Variants in EHMT1 observed in about 807,000 individuals in gnomAD.
EHMT1 encodes euchromatic histone lysine methyltransferase 1.
EHMT1 carries 15 observed loss-of-function variants against 147.2 expected under a neutral mutation model. The ratio of observed to expected loss-of-function variants is 0.10; its 90% CI spans 0.07 to 0.16. The LOEUF (loss-of-function observed/expected upper bound fraction) is 0.16, where lower values mean the gene tolerates loss of function less well. Among genes scored for constraint, EHMT1 ranks in the 10% least tolerant of loss-of-function variants. EHMT1 has a pLI of 1.00. For missense variants in EHMT1, 1,587 were observed against 1,772.4 expected (o/e 0.90, Z 1.88); for synonymous variants, 795 against 709.6 (o/e 1.12, Z -1.91).
At chr9:137,632,040 T>C (rs753825722) in intron 1 of EHMT1, among the ~76,000 whole-genome samples, 5 of 152,234 alleles carry the variant, frequency 3.3e-5, no homozygotes, top group East Asian at 3.8e-4. Context: ...TGCAGGTTTA[T>C]AGCCTGGAAG....
intron 1 of EHMT1, chr9:137,676,583 C>T (rs1941349241): frequency 6.6e-6 from 1 of 152,392 alleles, no homozygotes; most frequent in African/African-American, 2.4e-5. Flanking sequence ...AGCCAAATGC[C>T]TAGGCAGATA....
Position 137,681,863 on chromosome 9 carries a change from T to C in EHMT1, c.22-29104T>C, listed in dbSNP as rs1041601254. ...CATTCATTCCCTGGAAAGTTTGCAG[T>C]GTGTCTGGTACGTAAGCGTGAGGCG... On this transcript the variant is annotated intron_variant, in intron 1 of 26. Transcript: ENST00000460843. 2.0e-4 allele frequency among the ~76,000 whole-genome samples: 31 copies of C among 152,162 alleles called. 1 individual carries two copies. The highest frequency in any genetic ancestry group is 4.1e-4 in the Non-Finnish European group (28 of 68,022).
chr9:137,715,898 A>G lies in EHMT1; in HGVS notation c.86-728A>G, dbSNP rs1033412888. On this transcript the variant is annotated intron_variant, in intron 2 of 26. Transcript: ENST00000460843. ...CCCAAACTTAACCAACTAACGTTCA[A>G]CGTTAATGCTTAAGAAATGTTTATG... 8.6e-6 allele frequency: 8 copies of G among 925,196 alleles called. No homozygotes were observed. The Admixed American group carries it at 1.9e-4, about 21-fold the overall frequency. 57.3% of individuals were successfully genotyped at this position (925,196 alleles called of 1,614,324 possible).
At chr9:137,681,704 G>C (rs530414527) in intron 1 of EHMT1, among the ~76,000 whole-genome samples, 94 of 152,106 alleles carry the variant, frequency 6.2e-4, no homozygotes, top group African/African-American at 2.2e-3. Flanking sequence ...AGCTGGTGCC[G>C]AGGCATCCGA....
rs1392434292 is a variant in EHMT1, at chr9:137,678,767, ATCTG to A, written c.22-32196_22-32193del. ...CACTCTACTCAGTCGGCGTCTTGTG[ATCTG>A]TCTATCTGACGAGGGAGACGGCTGC... On this transcript the variant is annotated intron_variant, in intron 1 of 26. Coordinates refer to ENST00000460843, the MANE Select transcript of EHMT1 (RefSeq NM_024757.5). Among the ~76,000 whole-genome samples the A allele has an allele frequency of 2.6e-5, 3 of 117,162 alleles. 1 individual carries two copies. The highest frequency in any genetic ancestry group is 6.2e-4 in the South Asian group (2 of 3,202). 76.9% of individuals were successfully genotyped at this position (117,162 alleles called of 152,430 possible).
At chr9:137,679,603 T>G (rs1564577900) in intron 1 of EHMT1, among the ~76,000 whole-genome samples, 1 of 152,242 alleles carries the variant, frequency 6.6e-6, no homozygotes, top group Non-Finnish European at 1.5e-5. Flanking sequence ...CTGTTGGCCA[T>G]TTGGGAATGC....
intron 1 of EHMT1, among the ~76,000 whole-genome samples, chr9:137,701,079 A>G (rs888158903): frequency 6.6e-6 from 1 of 152,132 alleles, no homozygotes; most frequent in Non-Finnish European, 1.5e-5. Flanking sequence ...TCCAACAACC[A>G]GGTCTCATGA....
intron 1 of EHMT1, among the ~76,000 whole-genome samples, chr9:137,654,106 G>T (rs753539205): frequency 1.3e-4 from 20 of 152,142 alleles, no homozygotes; most frequent in Non-Finnish European, 2.5e-4. Flanking sequence ...CATAGGCTGG[G>T]CGCGGTGGCT....
chr9:137,773,115 A>G (rs1472297320), intron 10 of EHMT1, among the ~76,000 whole-genome samples: 1 of 152,214 alleles, frequency 6.6e-6, no homozygotes, highest in African/African-American at 2.4e-5. Context: ...AGAAAGTAAA[A>G]TCACTTCTTA....
chr9:137,689,517 A>G (rs10746564), intron 1 of EHMT1, among the ~76,000 whole-genome samples: 2 of 151,946 alleles, frequency 1.3e-5, no homozygotes, highest in Non-Finnish European at 2.9e-5. Context: ...AGCCTGGCCA[A>G]CATGGTGAAA....
chr9:137,816,568 G>A (rs961739982), intron 23 of EHMT1: 1 of 180,966 alleles, frequency 5.5e-6, no homozygotes, highest in African/African-American at 2.4e-5. Context: ...AGCTGGGCTT[G>A]GTCCCCTGAC....
At chr9:137,812,726 A>G (rs929855201) in intron 19 of EHMT1, among the ~76,000 whole-genome samples, 4 of 152,238 alleles carry the variant, frequency 2.6e-5, no homozygotes, top group Non-Finnish European at 2.9e-5. Flanking sequence ...TGAAAAATCC[A>G]AGAAAAATCA....
At chr9:137,758,788 A>G (rs747516065) in intron 9 of EHMT1, among the ~76,000 whole-genome samples, 2 of 152,148 alleles carry the variant, frequency 1.3e-5, no homozygotes, top group Admixed American at 6.5e-5. Context: ...TGAGTCACCT[A>G]TGTAATTCAC....
In EHMT1 at chr9:137,727,840, C is replaced by T. The variant is rs1279713946; in HGVS notation, c.643-509C>T. On this transcript the variant is annotated intron_variant, in intron 3 of 26. Transcript: ENST00000460843. ...GACTGAGTAAAATACCATTTTAACA[C>T]ACAACATAGTTACCTACTGTGGGAT... Among the ~76,000 whole-genome samples the T allele has an allele frequency of 2.0e-5, 3 of 152,216 alleles. No homozygotes were observed. In the East Asian group the frequency reaches 5.8e-4, roughly 29 times the overall value.
intron 16 of EHMT1, among the ~76,000 whole-genome samples, chr9:137,791,495 C>T (rs1015005539): frequency 3.9e-5 from 6 of 152,030 alleles, no homozygotes; most frequent in South Asian, 2.1e-4. Flanking sequence ...ATTAAGAAAA[C>T]GGTTTCATTT....
At chr9:137,817,672 C>G (rs1955029111) in intron 24 of EHMT1, 147 bp downstream of exon 24, 4 of 1,027,058 alleles carry the variant, frequency 3.9e-6, no homozygotes, top group Non-Finnish European at 5.8e-6. Context: ...ACCCTGGCCC[C>G]GAGAACCAAG....
chr9:137,743,852 C>T, intron 5 of EHMT1, 50 bp from the exon 6 acceptor site: 1 of 1,561,932 alleles, frequency 6.4e-7, no homozygotes, highest in South Asian at 1.2e-5. Flanking sequence ...CAAGTTTGTT[C>T]ATGATGCGCA....
intron 15 of EHMT1, chr9:137,784,511 C>G: frequency 1.3e-6 from 1 of 789,746 alleles, no homozygotes; most frequent in Non-Finnish European, 1.6e-6. Context: ...ACTTTTTGGT[C>G]GTTCTTGCGT....
intron 6 of EHMT1, chr9:137,747,080 G>A (rs1477212712): frequency 6.6e-6 from 1 of 152,222 alleles, no homozygotes; most frequent in Non-Finnish European, 1.5e-5. Flanking sequence ...AATAGAGAAG[G>A]ATAGGAAAAG....
Sources: allele counts gnomAD v4.1 joint callset (sites outside exome capture counted in the v4.1 genomes callset), GRCh38; gene constraint gnomAD v4.1.1; transcripts MANE v1.5; gene names NCBI Gene and HGNC (gene_info 2026-07-23, HGNC 2026-07-21).